The following UBR3 variants were observed in gnomAD, a reference collection of about 807,000 sequenced individuals.
The protein encoded by UBR3 is E3 ubiquitin-protein ligase UBR3.
UBR3 carries 85 observed loss-of-function variants against 243.2 expected under a neutral mutation model. The observed-to-expected ratio is 0.35, with a 90% confidence interval of 0.29 to 0.42. UBR3 has a LOEUF of 0.42. Among genes scored for constraint, UBR3 ranks in the 10% least tolerant of loss-of-function variants. UBR3 has a pLI of 1.00. For missense variants in UBR3, 1,686 were observed against 2,300.8 expected (o/e 0.73, Z 5.47); for synonymous variants, 748 against 799.8 (o/e 0.94, Z 1.09).
chr2:169,876,325 C>G (rs923284063), intron 3 of UBR3, among the ~76,000 whole-genome samples: 15 of 152,096 alleles, frequency 9.9e-5, no homozygotes, highest in Admixed American at 5.2e-4. Flanking sequence ...CATGATCCGC[C>G]CGCCTTGGCC....
chr2:170,065,299 G>T (rs1284320364), intron 35 of UBR3, among the ~76,000 whole-genome samples: 1 of 150,932 alleles, frequency 6.6e-6, no homozygotes, highest in Admixed American at 6.6e-5. Flanking sequence ...TTTTGGGTGG[G>T]CGGGAGGAAG....
chr2:170,040,177 C>T (rs1034762505), intron 31 of UBR3, among the ~76,000 whole-genome samples: 2 of 152,000 alleles, frequency 1.3e-5, no homozygotes, highest in Non-Finnish European at 2.9e-5. Flanking sequence ...CTCACTTTTT[C>T]ACCCAGGCTG....
In UBR3 at chr2:169,853,386, CT is replaced by C. The variant is rs770379599; in HGVS notation, c.546-18843del. Among the ~76,000 whole-genome samples, 5 of 152,178 alleles carry C rather than the reference CT, an allele frequency of 3.3e-5. No homozygotes were observed. The South Asian group carries it at 1.0e-3, about 32-fold the overall frequency. ...TAGGTTCTTTCTTATAATGCAAATA[CT>C]TTTTTTCTTTCTTTTCTTCCTTCTT... On this transcript the variant is annotated intron_variant, in intron 1 of 38. Transcript: ENST00000272793.
At chr2:170,044,474 G>A (rs1434080388) in intron 32 of UBR3, among the ~76,000 whole-genome samples, 1 of 151,978 alleles carries the variant, frequency 6.6e-6, no homozygotes, top group Non-Finnish European at 1.5e-5. Flanking sequence ...GATCTCTTAT[G>A]TCCTTGCATC....
At chr2:169,876,004 G>A in intron 3 of UBR3, 55 bp downstream of exon 3, 1 of 1,306,676 alleles carries the variant, frequency 7.7e-7, no homozygotes, top group Non-Finnish European at 1.0e-6. Flanking sequence ...ATAATGATAA[G>A]AAATTGAGTC....
chr2:169,891,332 C>A, intron 6 of UBR3, 101 bp downstream of exon 6: 2 of 806,576 alleles, frequency 2.5e-6, no homozygotes, highest in Non-Finnish European at 2.0e-6. Context: ...GACATCAAAG[C>A]TGTTTGAAGG....
intron 35 of UBR3, among the ~76,000 whole-genome samples, chr2:170,066,739 G>A (rs893830755): frequency 3.9e-5 from 6 of 152,096 alleles, no homozygotes; most frequent in Non-Finnish European, 7.4e-5. Context: ...GGCTGAGGTG[G>A]GCGATCACAA....
Position 169,956,787 on chromosome 2 carries a change from C to T in UBR3, c.3546-1651C>T, listed in dbSNP as rs1018791926. Among the ~76,000 whole-genome samples, 7 of 152,114 alleles carry T rather than the reference C, an allele frequency of 4.6e-5. No homozygotes were observed. In the South Asian group the frequency reaches 1.2e-3, roughly 27 times the overall value. On this transcript the variant is annotated intron_variant, in intron 23 of 38. Transcript: ENST00000272793. ...AATTTAAAAATTACTGTATTTCATT[C>T]TTCTGAATTTTGTATGTTATATCCT...
chr2:169,880,349 A>G (rs62170279), intron 5 of UBR3, among the ~76,000 whole-genome samples: 9,931 of 152,326 alleles, frequency 0.065, 342 homozygotes, highest in Non-Finnish European at 0.084. Context: ...TAGCATGCCT[A>G]GCATTATGTA....
chr2:169,854,446 C>G (rs2082766965), intron 1 of UBR3, among the ~76,000 whole-genome samples: 1 of 152,126 alleles, frequency 6.6e-6, no homozygotes, highest in African/African-American at 2.4e-5. Flanking sequence ...GGAACTTTAA[C>G]ACTGGTAATT....
intron 1 of UBR3, among the ~76,000 whole-genome samples, chr2:169,847,116 TGTGTGTGTGC>T (rs762184247): frequency 0.13 from 7,554 of 60,130 alleles, 223 homozygotes; most frequent in Admixed American, 0.24. Flanking sequence ...TGTGTGTGTG[TGTGTGTGTGC>T]GCTGGCAGTT....
intron 24 of UBR3, among the ~76,000 whole-genome samples, chr2:169,974,663 G>A (rs1239684115): frequency 6.6e-6 from 1 of 151,616 alleles, no homozygotes; most frequent in African/African-American, 2.4e-5. Context: ...ATTTATTTCA[G>A]CTCTGATCTT....
intron 1 of UBR3, among the ~76,000 whole-genome samples, chr2:169,833,322 A>G (rs1341643238): frequency 1.3e-5 from 2 of 152,166 alleles, no homozygotes; most frequent in Non-Finnish European, 2.9e-5. Context: ...GGTGCAGAGA[A>G]TGAGGAGTTT....
intron 21 of UBR3, among the ~76,000 whole-genome samples, chr2:169,947,122 TC>T (rs1431394578): frequency 6.6e-6 from 1 of 152,114 alleles, no homozygotes; most frequent in Non-Finnish European, 1.5e-5. Flanking sequence ...CAACATATGT[TC>T]TTTCATAGAT....
chr2:169,855,543 G>C (rs2082809645), intron 1 of UBR3, among the ~76,000 whole-genome samples: 2 of 151,856 alleles, frequency 1.3e-5, no homozygotes, highest in Non-Finnish European at 2.9e-5. Flanking sequence ...TTAGGGAGTG[G>C]TGATGACTCT....
chr2:169,873,936 A>G (rs2083512438), intron 2 of UBR3, among the ~76,000 whole-genome samples: 1 of 152,160 alleles, frequency 6.6e-6, no homozygotes, highest in Non-Finnish European at 1.5e-5. Context: ...TAGTTTAATG[A>G]AAGAGTACTT....
At chr2:169,944,257 TCTC>T (rs1050413871) in intron 20 of UBR3, among the ~76,000 whole-genome samples, 1 of 152,178 alleles carries the variant, frequency 6.6e-6, no homozygotes, top group Admixed American at 6.5e-5. Flanking sequence ...CTGTTATTAT[TCTC>T]CTTTTTCAGA....
At chr2:169,916,015 G>T (rs2085449335) in intron 11 of UBR3, among the ~76,000 whole-genome samples, 1 of 151,970 alleles carries the variant, frequency 6.6e-6, no homozygotes. Context: ...CCCATTTCTG[G>T]AATCAATCAT....
chr2:169,908,999 A>AT (rs910316694), intron 10 of UBR3, among the ~76,000 whole-genome samples: 51 of 150,858 alleles, frequency 3.4e-4, no homozygotes, highest in African/African-American at 1.0e-3. Context: ...AATTTTTTGT[A>AT]TTTTTTTTAG....
Sources: allele counts gnomAD v4.1 joint callset (sites outside exome capture counted in the v4.1 genomes callset), GRCh38; gene constraint gnomAD v4.1.1; transcripts MANE v1.5; gene names NCBI Gene and HGNC (gene_info 2026-07-23, HGNC 2026-07-21).